Variants in PELI3 observed in about 807,000 individuals in gnomAD.
The protein encoded by PELI3 is E3 ubiquitin-protein ligase pellino homolog 3.
In PELI3, 19 loss-of-function variants were observed where a neutral mutation model predicts 35.5. The ratio of observed to expected loss-of-function variants is 0.54; its 90% CI spans 0.37 to 0.79. PELI3 has a LOEUF of 0.79. Ranked by LOEUF, PELI3 falls within the 30% of genes least tolerant of loss-of-function variation. The pLI, the probability that PELI3 is intolerant of heterozygous loss-of-function variation, is 0.00. For missense variants in PELI3, 490 were observed against 661.2 expected, an observed-to-expected ratio of 0.74 and a Z score of 2.84; for synonymous variants, 262 against 279.2, an observed-to-expected ratio of 0.94 and a Z score of 0.62.
At position 66,473,286 on chromosome 11, in the gene PELI3, A is replaced by G; in HGVS notation, c.502A>G (p.Thr168Ala). 6.2e-7 allele frequency: 1 copy of G among 1,613,430 alleles called. No homozygotes were observed. The highest frequency in any genetic ancestry group is 1.1e-5 in the South Asian group (1 of 91,060). ...CATGATTGACTTCGTGGTAACAGAC[A>G]CGTCCCCTGGAGGAGGGGCTGCCGA... The part of the protein sequence containing the change: ...ENMIDFVVTD[T>A]SPGGGAAEGP... The change falls in exon 6 of 8, where the codon ACG becomes GCG. Residue 168 changes from threonine (T) to alanine (A), a missense_variant. By Grantham distance (58) the Thr-to-Ala change is moderately conservative (BLOSUM62 0). Transcript: ENST00000320740. The surrounding 1 kb of genome is among the most constrained non-coding windows in gnomAD (Gnocchi z 5.8).
chr11:66,473,536 C>T lies in PELI3; in HGVS notation c.651+101C>T. On this transcript the variant is annotated intron_variant, in intron 6 of 7. Coordinates refer to ENST00000320740, the MANE Select transcript of PELI3 (RefSeq NM_145065.3). This position sits in a 1 kb window ranked among gnomAD's most constrained non-coding sequence, Gnocchi z 5.8. ...GGTGATGAACCAGCCCACAGTAATCCAAATGGTGGTCCTGGCAGTTAGCAA... is the reference window on the plus strand; with the variant it reads ...GGTGATGAACCAGCCCACAGTAATCTAAATGGTGGTCCTGGCAGTTAGCAA... 7.2e-7 allele frequency: 1 copy of T among 1,395,046 alleles called. No homozygotes were observed. The highest frequency in any genetic ancestry group is 9.6e-7 in the Non-Finnish European group (1 of 1,040,520). 86.4% of individuals were successfully genotyped at this position (1,395,046 alleles called of 1,614,324 possible). A position where few individuals can be genotyped will look rare whatever the true frequency, so the allele number is the denominator to read the frequency against.
chr11:66,467,072 CCCCGGCGGG>C lies in PELI3; in HGVS notation c.-2+47_-2+55del, dbSNP rs1425880084. ...GGGGGCGGGGGCTGCGCCAGGCGGG[CCCCGGCGGG>C]CGCGGGGGGCGTGTTTGCGTGTCTG... On this transcript the variant is annotated intron_variant, in intron 1 of 7. Transcript: ENST00000320740. The surrounding 1 kb of genome is among the most constrained non-coding windows in gnomAD (Gnocchi z 4.2). 2.0e-5 allele frequency: 3 copies of C among 146,792 alleles called. No homozygotes were observed. The highest frequency in any genetic ancestry group is 4.6e-5 in the Non-Finnish European group (3 of 65,828). The allele number at this position is 146,792 out of a possible 1,614,324, so 9.1% of individuals were successfully genotyped here.
rs962196811 is a variant in PELI3, at chr11:66,476,294, T to G, written c.*127T>G. Reference sequence around the variant, plus strand: ...AGCCACACCAGATGGACATGTTGGATGGGCTGTGCCCTTCCCCCCAACTGT... The same window carrying G: ...AGCCACACCAGATGGACATGTTGGAGGGGCTGTGCCCTTCCCCCCAACTGT... On this transcript the variant is annotated 3_prime_UTR_variant, in exon 8 of 8. Transcript: ENST00000320740. 1 of 1,079,466 alleles carries G rather than the reference T, an allele frequency of 9.3e-7. No individual in the cohort carries two copies. The highest frequency in any genetic ancestry group is 1.3e-6 in the Non-Finnish European group (1 of 771,500). The allele number at this position is 1,079,466 out of a possible 1,614,324, so 66.9% of individuals were successfully genotyped here. A position where few individuals can be genotyped will look rare whatever the true frequency, so the allele number is the denominator to read the frequency against.
intron 7 of PELI3, 101 bp from the exon 8 acceptor site, chr11:66,475,497 C>T: frequency 1.5e-6 from 2 of 1,345,100 alleles, no homozygotes; most frequent in Non-Finnish European, 2.1e-6. Flanking sequence ...CCCTGCCTGC[C>T]CTGCCCGCCA....
At chr11:66,472,669 C>T (rs550931957) in intron 5 of PELI3, among the ~76,000 whole-genome samples, 199 bp downstream of exon 5, 2 of 152,158 alleles carry the variant, frequency 1.3e-5, no homozygotes, top group African/African-American at 4.8e-5. Flanking sequence ...ATTCAAGACT[C>T]CTAGACTGTG....
At chr11:66,468,779 C>T (rs1854620135) in intron 2 of PELI3, 54 bp from the exon 3 acceptor site, 1 of 767,816 alleles carries the variant, frequency 1.3e-6, no homozygotes, top group Admixed American at 1.7e-5. Context: ...TTCTGGGAGG[C>T]AGGCCTGTGC....
In PELI3 at chr11:66,470,177, T is replaced by C. The variant is rs1365043456; in HGVS notation, c.225-1065T>C. ...CTGTATTTGGCAGCTCTTTGTCCTG[T>C]CACTTCCTGTTCCCAGACCTTCCTG... On this transcript the variant is annotated intron_variant, in intron 3 of 7. Coordinates refer to ENST00000320740, the MANE Select transcript of PELI3 (RefSeq NM_145065.3). Among the ~76,000 whole-genome samples the C allele has an allele frequency of 7.2e-5, 11 of 152,282 alleles. No homozygotes were observed. In the South Asian group the frequency reaches 2.3e-3, roughly 32 times the overall value.
chr11:66,472,618 G>A, intron 5 of PELI3, 148 bp downstream of exon 5: 2 of 641,974 alleles, frequency 3.1e-6, no homozygotes, highest in Non-Finnish European at 2.8e-6. Context: ...GCTGTTGACT[G>A]CAGAGTCACA....
In PELI3 at chr11:66,473,425, T is replaced by G. The variant is rs1324634429; in HGVS notation, c.641T>G (p.Ile214Ser). 6.2e-7 allele frequency: 1 copy of G among 1,611,788 alleles called. No individual in the cohort carries two copies. Among genetic ancestry groups the G allele is most frequent in the East Asian group, 2.2e-5 (1 of 44,866 alleles). The change falls in exon 6 of 8, where the codon ATC becomes AGC. Residue 214 changes from isoleucine (I) to serine (S), a missense_variant. Ile to Ser is a moderately radical substitution (Grantham distance 142). Transcript: ENST00000320740. This position sits in a 1 kb window ranked among gnomAD's most constrained non-coding sequence, Gnocchi z 5.8. ...GCTGGCTTCGATGCCTCTAGCAACA[T>G]CTTCCTTGGAGTGAGTGAGCCCCAG... ...YAAGFDASSN[I>S]FLGERAAKWR...
Position 66,468,873 on chromosome 11 carries a change from G to A in PELI3, c.193G>A (p.Gly65Arg). ...EGGEETEAQRGEVTGPRAHSC... is the reference protein window; with the variant it reads ...EGGEETEAQRREVTGPRAHSC... ...AGGTGAGGAAACCGAGGCTCAGAGA[G>A]GGGAAGTGACTGGCCCAAGGGCACA... The change falls in exon 3 of 8, where the codon GGG becomes AGG. Residue 65 changes from glycine (G) to arginine (R), a missense_variant. By Grantham distance (125) the Gly-to-Arg change is moderately radical. Around this residue, in one of 3 missense-constraint regions of PELI3, gnomAD observed 137 missense variants for 157.1 expected, o/e 0.87. Transcript: ENST00000320740. 2.6e-6 allele frequency: 2 copies of A among 778,770 alleles called. No homozygotes were observed. Among genetic ancestry groups the A allele is most frequent in the Non-Finnish European group, 4.8e-6 (2 of 417,042 alleles). 48.2% of individuals were successfully genotyped at this position (778,770 alleles called of 1,614,324 possible). A position where few individuals can be genotyped will look rare whatever the true frequency, so the allele number is the denominator to read the frequency against.
chr11:66,475,436 T>A (rs1387425166), intron 7 of PELI3, 162 bp from the exon 8 acceptor site: 1 of 647,948 alleles, frequency 1.5e-6, no homozygotes, highest in Non-Finnish European at 2.6e-6. Context: ...AGCATGTGCC[T>A]GGGATGCACC....
intron 2 of PELI3, 83 bp downstream of exon 2, chr11:66,468,363 C>G (rs1166496596): frequency 5.3e-6 from 7 of 1,310,444 alleles, no homozygotes; most frequent in Non-Finnish European, 3.0e-6. Flanking sequence ...CCTCCTCCCC[C>G]CACATAGGGC....
chr11:66,474,257 G>A (rs1170314114), intron 7 of PELI3: 1 of 601,078 alleles, frequency 1.7e-6, no homozygotes, highest in Non-Finnish European at 2.9e-6. Context: ...TTATGAGAGT[G>A]ACACTTGGCC....
Position 66,473,931 on chromosome 11 carries a change from T to A in PELI3, c.840+6T>A, listed in dbSNP as rs1590721338. ...CCCAGCAGCGGGGCAAGCTGGTAGG[T>A]GGCCCGCTCCATTCCCCACCCCTAT... On this transcript the variant is annotated splice_donor_region_variant and intron_variant, in intron 7 of 7. Coordinates refer to ENST00000320740, the MANE Select transcript of PELI3 (RefSeq NM_145065.3). This position sits in a 1 kb window ranked among gnomAD's most constrained non-coding sequence, Gnocchi z 5.8. 6.2e-7 allele frequency: 1 copy of A among 1,612,300 alleles called. No individual in the cohort carries two copies. Among genetic ancestry groups the A allele is most frequent in the South Asian group, 1.1e-5 (1 of 91,082 alleles).
In PELI3 at chr11:66,475,657, A is replaced by C; in HGVS notation, c.900A>C (p.Thr300=). 6.2e-7 allele frequency: 1 copy of C among 1,612,584 alleles called. No homozygotes were observed. The highest frequency in any genetic ancestry group is 8.5e-7 in the Non-Finnish European group (1 of 1,179,898). ...DGSLIDLCGA[T]LLWRTPAGLL... is the part of the protein sequence containing the mutation. The stretch of plus-strand genomic sequence containing the variant: ...CTCTCATCGACCTGTGTGGGGCCAC[A>C]CTGCTGTGGCGCACACCGGCGGGGC... Residue 300 remains threonine (T), a synonymous_variant, in exon 8 of 8, where the codon ACA becomes ACC. Transcript: ENST00000320740.
Position 66,471,313 on chromosome 11 carries a change from A to T in PELI3, c.296A>T (p.His99Leu). ...RSRLALSRRS[H>L]ANGVKPDVMH... is the part of the protein sequence containing the mutation. Reference sequence around the variant, plus strand: ...CGCCTGGCACTGAGCCGCCGGTCGCACGCCAACGGGGTGAAGCCAGACGTC... The same window carrying T: ...CGCCTGGCACTGAGCCGCCGGTCGCTCGCCAACGGGGTGAAGCCAGACGTC... The change falls in exon 4 of 8, where the codon CAC (histidine) becomes CTC (leucine). Residue 99 changes from histidine (H) to leucine (L), a missense_variant. Physicochemically the swap from His to Leu is moderately conservative, Grantham distance 99 (BLOSUM62 -3). This residue lies in a region of PELI3 where 137 missense variants were observed against 157.1 expected (regional missense o/e 0.87). Transcript: ENST00000320740. The T allele has an allele frequency of 6.2e-7, 1 of 1,613,996 alleles. No individual in the cohort carries two copies. The highest frequency in any genetic ancestry group is 8.5e-7 in the Non-Finnish European group (1 of 1,179,982).
rs932120099 is a variant in PELI3 at position 66,468,914 on chromosome 11, A to C, written c.224+10A>C. ...CAAGGGCACACAGCTGGTAAGTGGC[A>C]GGGCTGGGATTTGGACCCAGGTCTT... On this transcript the variant is annotated intron_variant, in intron 3 of 7. Coordinates refer to ENST00000320740, the MANE Select transcript of PELI3 (RefSeq NM_145065.3). 5 of 757,052 alleles carry C rather than the reference A, an allele frequency of 6.6e-6. No homozygotes were observed. Among genetic ancestry groups the C allele is most frequent in the Admixed American group, 1.8e-5 (1 of 55,400 alleles). The allele number at this position is 757,052 out of a possible 1,614,324, so 46.9% of individuals were successfully genotyped here.
intron 2 of PELI3, 93 bp downstream of exon 2, chr11:66,468,373 C>G: frequency 7.9e-7 from 1 of 1,268,004 alleles, no homozygotes; most frequent in Non-Finnish European, 1.0e-6. Context: ...CCACATAGGG[C>G]CTTCAGCTGT....
intron 7 of PELI3, chr11:66,474,382 C>T (rs1319484016): frequency 5.0e-6 from 2 of 401,114 alleles, no homozygotes; most frequent in Non-Finnish European, 4.5e-6. Context: ...TACAGTAGTT[C>T]TGACACAGGT....
Sources: allele counts gnomAD v4.1 joint callset (sites outside exome capture counted in the v4.1 genomes callset), GRCh38; gene constraint gnomAD v4.1.1; regional missense constraint gnomAD v4.1.1; non-coding constraint Gnocchi (gnomAD v3.1); transcripts MANE v1.5; gene names NCBI Gene and HGNC (gene_info 2026-07-23, HGNC 2026-07-21).